Variants in KCNH1 observed in about 807,000 individuals in gnomAD.
KCNH1 encodes potassium voltage-gated channel subfamily H member 1.
Under a neutral mutation model 69.2 loss-of-function variants are expected in KCNH1, and 27 were observed. That is an observed-to-expected ratio of 0.39 (90% CI 0.29 to 0.54). The LOEUF (loss-of-function observed/expected upper bound fraction) is 0.54. KCNH1 is among the 20% of genes least tolerant of loss of function. The pLI is 0.68. For synonymous variants in KCNH1, 456 were observed against 487.7 expected (o/e 0.93, Z 0.86); for missense variants, 798 against 1,261.6 (o/e 0.63, Z 5.57).
chr1:211,114,497 T>A (rs1691532432), intron 1 of KCNH1, among the ~76,000 whole-genome samples: 3 of 152,324 alleles, frequency 2.0e-5, no homozygotes, highest in Admixed American at 1.3e-4. Context: ...TTTGCCAGCG[T>A]GCCTCTAGAA....
chr1:211,032,632 G>A (rs1311674635), intron 5 of KCNH1, among the ~76,000 whole-genome samples: 3 of 152,138 alleles, frequency 2.0e-5, no homozygotes, highest in Non-Finnish European at 4.4e-5. Context: ...TCTGATCTTT[G>A]ACAAACCTGA....
intron 6 of KCNH1, among the ~76,000 whole-genome samples, chr1:210,927,882 T>C (rs1687605131): frequency 6.6e-6 from 1 of 151,914 alleles, no homozygotes; most frequent in African/African-American, 2.4e-5. Context: ...TCTATGAAAA[T>C]GGACAACAAA....
chr1:210,821,738 G>T (rs1053239140), intron 7 of KCNH1, among the ~76,000 whole-genome samples: 2 of 152,038 alleles, frequency 1.3e-5, no homozygotes, highest in Non-Finnish European at 2.9e-5. Context: ...GAAGCTGTAC[G>T]ACTATTTAAT....
chr1:210,924,815 C>T (rs370494272), intron 6 of KCNH1, among the ~76,000 whole-genome samples: 2 of 152,150 alleles, frequency 1.3e-5, no homozygotes, highest in Middle Eastern at 3.4e-3. Context: ...CAGCCCCAAC[C>T]CCCAGAAAAT....
At chr1:210,725,173 G>A (rs1038139095) in intron 10 of KCNH1, among the ~76,000 whole-genome samples, 1 of 152,144 alleles carries the variant, frequency 6.6e-6, no homozygotes, top group African/African-American at 2.4e-5. Flanking sequence ...TTGTGAAACT[G>A]CTGTTGATAA....
intron 7 of KCNH1, among the ~76,000 whole-genome samples, chr1:210,813,650 A>ATGGCAAC (rs1684755494): frequency 6.6e-6 from 1 of 152,200 alleles, no homozygotes; most frequent in Admixed American, 6.5e-5. Flanking sequence ...TTATATTGGC[A>ATGGCAAC]TGGCAACTGG....
At chr1:210,729,783 C>G (rs922932329) in intron 10 of KCNH1, among the ~76,000 whole-genome samples, 1 of 152,174 alleles carries the variant, frequency 6.6e-6, no homozygotes, top group Non-Finnish European at 1.5e-5. Context: ...GATGACCCCT[C>G]TCAAAAATAT....
intron 10 of KCNH1, among the ~76,000 whole-genome samples, chr1:210,741,529 T>C (rs1163093459): frequency 6.6e-6 from 1 of 152,164 alleles, no homozygotes; most frequent in Non-Finnish European, 1.5e-5. Flanking sequence ...AAACTGAAGC[T>C]GTACTCAGGC....
intron 7 of KCNH1, among the ~76,000 whole-genome samples, chr1:210,855,519 C>T (rs1685814897): frequency 6.6e-6 from 1 of 152,166 alleles, no homozygotes; most frequent in Non-Finnish European, 1.5e-5. Flanking sequence ...TAGGATGTGG[C>T]CTTGACCATA....
intron 9 of KCNH1, among the ~76,000 whole-genome samples, chr1:210,779,316 G>A (rs111522458): frequency 1.1e-3 from 169 of 152,268 alleles, no homozygotes; most frequent in African/African-American, 3.8e-3. Flanking sequence ...ATTTAAGAAC[G>A]TAATATCAGA....
intron 10 of KCNH1, among the ~76,000 whole-genome samples, chr1:210,732,527 TGTC>T (rs1682769979): frequency 6.6e-6 from 1 of 152,190 alleles, no homozygotes; most frequent in South Asian, 2.1e-4. Context: ...GCAGAGGCTG[TGTC>T]GTCTATCTGC....
At chr1:210,867,451 C>A (rs1686139487) in intron 7 of KCNH1, among the ~76,000 whole-genome samples, 1 of 151,506 alleles carries the variant, frequency 6.6e-6, no homozygotes, top group East Asian at 1.9e-4. Flanking sequence ...TACTCCTCTG[C>A]TTTAGCCTAA....
intron 6 of KCNH1, among the ~76,000 whole-genome samples, chr1:210,993,283 C>G (rs1274048554): frequency 6.6e-6 from 1 of 152,122 alleles, no homozygotes; most frequent in Non-Finnish European, 1.5e-5. Context: ...CTCATATCAC[C>G]CACTAAGGAG....
chr1:210,819,599 T>C (rs574870165), intron 7 of KCNH1, among the ~76,000 whole-genome samples: 3 of 150,772 alleles, frequency 2.0e-5, no homozygotes, highest in South Asian at 4.2e-4. Context: ...AGAAAAAAAG[T>C]TTAGGAAAAA....
intron 6 of KCNH1, among the ~76,000 whole-genome samples, chr1:211,001,880 A>G (rs34279520): frequency 0.24 from 35,634 of 151,436 alleles, 5,734 homozygotes; most frequent in African/African-American, 0.45. Flanking sequence ...GGATGAAGCT[A>G]GAACCATCAT....
chr1:210,841,200 G>A (rs2102453138), intron 7 of KCNH1, among the ~76,000 whole-genome samples: 1 of 152,240 alleles, frequency 6.6e-6, no homozygotes. Flanking sequence ...CTTCCAAAGT[G>A]GATACTCTCA....
chr1:210,878,872 A>G (rs1686435805), intron 7 of KCNH1, among the ~76,000 whole-genome samples: 1 of 152,082 alleles, frequency 6.6e-6, no homozygotes, highest in Admixed American at 6.6e-5. Context: ...AATAAAATAC[A>G]TAAGCTTCTA....
intron 9 of KCNH1, among the ~76,000 whole-genome samples, chr1:210,795,442 C>T (rs1684291732): frequency 6.6e-6 from 1 of 152,082 alleles, no homozygotes; most frequent in South Asian, 2.1e-4. Flanking sequence ...CCACTGCACC[C>T]GACCACCCCG....
intron 5 of KCNH1, among the ~76,000 whole-genome samples, chr1:211,024,105 C>T (rs1689638116): frequency 6.6e-6 from 1 of 152,130 alleles, no homozygotes; most frequent in Non-Finnish European, 1.5e-5. Flanking sequence ...ATATTTATTG[C>T]TCTATGCCCG....
Sources: allele counts gnomAD v4.1 joint callset (sites outside exome capture counted in the v4.1 genomes callset), GRCh38; gene constraint gnomAD v4.1.1; transcripts MANE v1.5; gene names NCBI Gene and HGNC (gene_info 2026-07-23, HGNC 2026-07-21).